Variants in RGS7BP observed in about 807,000 individuals in gnomAD.
The protein encoded by RGS7BP is regulator of G protein signaling 7 binding protein, also known as regulator of G protein signaling 7-binding protein.
In RGS7BP, 9 loss-of-function variants were observed where a neutral mutation model predicts 31.3. The observed-to-expected ratio is 0.29, with a 90% CI of 0.17 to 0.50. The LOEUF is 0.50. Among genes scored for constraint, RGS7BP ranks in the 20% least tolerant of loss-of-function variants. The probability of loss-of-function intolerance (pLI) is 0.98; values close to 1 mark genes in which losing one functional copy is unlikely to be tolerated. For missense variants in RGS7BP, 274 were observed against 322.0 expected (o/e 0.85, Z 1.14); for synonymous variants, 115 against 120.1 (o/e 0.96, Z 0.28).
chr5:64,598,289 C>T (rs1406234271), intron 4 of RGS7BP, 76 bp from the exon 5 acceptor site: 9 of 827,750 alleles, frequency 1.1e-5, no homozygotes, highest in African/African-American at 1.7e-5. Context: ...TTTCAGTTGT[C>T]TCATATAACA....
In RGS7BP at chr5:64,587,766, C is replaced by T. The variant is rs557323965; in HGVS notation, c.464-6944C>T. On this transcript the variant is annotated intron_variant, in intron 3 of 5. Transcript: ENST00000334025. ...TGGAATAGGGGTTGTAAACAGGAAACTTAGAGCAGGCACAGGGCCAAAAAC... is the reference window on the plus strand; with the variant it reads ...TGGAATAGGGGTTGTAAACAGGAAATTTAGAGCAGGCACAGGGCCAAAAAC... Among the ~76,000 whole-genome samples, 113 of 152,276 alleles carry T rather than the reference C, an allele frequency of 7.4e-4. 1 individual carries two copies. The highest frequency in any genetic ancestry group is 2.5e-3 in the African/African-American group (105 of 41,552).
chr5:64,543,101 T>C (rs1351598944), intron 2 of RGS7BP, among the ~76,000 whole-genome samples: 2 of 152,198 alleles, frequency 1.3e-5, no homozygotes. Context: ...CAGGAATCTA[T>C]CTACAAAAGA....
intron 2 of RGS7BP, among the ~76,000 whole-genome samples, chr5:64,527,198 G>C (rs1033460837): frequency 6.6e-6 from 1 of 152,192 alleles, no homozygotes; most frequent in Non-Finnish European, 1.5e-5. Context: ...TTCTAGGACA[G>C]CTCTCTGTGA....
At chr5:64,580,068 A>G (rs1429140725) in intron 3 of RGS7BP, among the ~76,000 whole-genome samples, 1 of 152,218 alleles carries the variant, frequency 6.6e-6, no homozygotes, top group Non-Finnish European at 1.5e-5. Flanking sequence ...CTGTGGTTAA[A>G]AGAATAAGAA....
rs535759572 is a variant in RGS7BP, at chr5:64,519,459, C to CA, written c.332+11583dup. On this transcript the variant is annotated intron_variant, in intron 2 of 5. Coordinates refer to ENST00000334025, the MANE Select transcript of RGS7BP (RefSeq NM_001029875.3). ...CTGCAATAGAAATAGGCAGAGGATA[C>CA]AGTAGAGGAAGAGTAATCAGCTCTG... Among the ~76,000 whole-genome samples the CA allele has an allele frequency of 3.7e-4, 56 of 152,274 alleles. 1 individual carries two copies. The East Asian group carries it at 6.6e-3, about 18-fold the overall frequency.
rs1404613131 is a variant in RGS7BP, at chr5:64,597,536, TC to T, written c.612-827del. On this transcript the variant is annotated intron_variant, in intron 4 of 5. Coordinates refer to ENST00000334025, the MANE Select transcript of RGS7BP (RefSeq NM_001029875.3). ...TCCAAGTCAATGTAATAAGTGTTGG[TC>T]CTGGTGAACGCTTAATACCTGAGTT... Among the ~76,000 whole-genome samples the T allele has an allele frequency of 9.2e-5, 14 of 151,836 alleles. No homozygotes were observed. In the East Asian group the frequency reaches 2.5e-3, roughly 28 times the overall value.
chr5:64,531,992 T>A (rs965561711), intron 2 of RGS7BP, among the ~76,000 whole-genome samples: 6 of 152,258 alleles, frequency 3.9e-5, no homozygotes, highest in African/African-American at 1.4e-4. Flanking sequence ...TCTTTTGCTA[T>A]GTGCATACAA....
At chr5:64,547,357 T>A (rs961084789) in intron 2 of RGS7BP, among the ~76,000 whole-genome samples, 7 of 152,218 alleles carry the variant, frequency 4.6e-5, no homozygotes, top group African/African-American at 1.7e-4. Flanking sequence ...TAAAGCAGTG[T>A]ATGGAAATTC....
intron 2 of RGS7BP, among the ~76,000 whole-genome samples, chr5:64,571,783 T>C (rs577288294): frequency 6.6e-5 from 10 of 152,268 alleles, no homozygotes; most frequent in African/African-American, 2.4e-4. Context: ...AATCCTGATC[T>C]GTAAGGAGTT....
At chr5:64,577,473 A>G (rs1742467288) in intron 3 of RGS7BP, among the ~76,000 whole-genome samples, 2 of 152,116 alleles carry the variant, frequency 1.3e-5, no homozygotes, top group African/African-American at 4.8e-5. Flanking sequence ...GTACACATAT[A>G]CATATGCACA....
intron 2 of RGS7BP, among the ~76,000 whole-genome samples, chr5:64,522,458 C>T (rs146744365): frequency 6.6e-6 from 1 of 152,312 alleles, no homozygotes; most frequent in Non-Finnish European, 1.5e-5. Flanking sequence ...AAGGAGATTG[C>T]TGTCTCCTCC....
chr5:64,555,929 C>A (rs1741912609), intron 2 of RGS7BP, among the ~76,000 whole-genome samples: 1 of 152,098 alleles, frequency 6.6e-6, no homozygotes, highest in Admixed American at 6.6e-5. Context: ...TCCTTAGCCA[C>A]ATGAAGCTAG....
intron 2 of RGS7BP, among the ~76,000 whole-genome samples, chr5:64,547,999 A>G (rs540910003): frequency 7.2e-5 from 11 of 152,224 alleles, no homozygotes; most frequent in Non-Finnish European, 1.5e-4. Context: ...TTCCTCTTTG[A>G]TGAAGTTTCT....
Position 64,560,141 on chromosome 5 carries a change from T to A in RGS7BP, c.333-15633T>A, listed in dbSNP as rs1341682548. ...CAAACCATGAAATGCCTACTTATAA[T>A]ATCAAACTTTAACCTTATGGTACTT... On this transcript the variant is annotated intron_variant, in intron 2 of 5. Transcript: ENST00000334025. Among the ~76,000 whole-genome samples, 4 of 152,194 alleles carry A rather than the reference T, an allele frequency of 2.6e-5. No homozygotes were observed. In the East Asian group the frequency reaches 7.7e-4, roughly 29 times the overall value.
intron 2 of RGS7BP, among the ~76,000 whole-genome samples, chr5:64,543,610 C>T (rs762069219): frequency 9.9e-5 from 15 of 152,184 alleles, no homozygotes; most frequent in Admixed American, 1.3e-4. Flanking sequence ...GGGCAGGGGA[C>T]AGATATTATG....
At chr5:64,598,308 G>C in intron 4 of RGS7BP, 57 bp from the exon 5 acceptor site, 1 of 990,554 alleles carries the variant, frequency 1.0e-6, no homozygotes, top group South Asian at 1.3e-5. Flanking sequence ...CAGATTGTTT[G>C]AGATTTCATT....
At chr5:64,536,085 A>C (rs1741344320) in intron 2 of RGS7BP, among the ~76,000 whole-genome samples, 1 of 152,232 alleles carries the variant, frequency 6.6e-6, no homozygotes, top group Admixed American at 6.5e-5. Flanking sequence ...TGCCCTGTGT[A>C]GCAGGACTTT....
Position 64,507,621 on chromosome 5 carries a change from C to G in RGS7BP, c.166-90C>G, listed in dbSNP as rs967938808. The G allele has an allele frequency of 2.0e-5, 24 of 1,190,524 alleles. No individual in the cohort carries two copies. In the South Asian group the frequency reaches 3.8e-4, roughly 19 times the overall value. 73.7% of individuals were successfully genotyped at this position (1,190,524 alleles called of 1,614,324 possible). ...AGATCTGGGGAGCTGACTCAGGGGT[C>G]AGTGAAAGCCCCTGTTTATGTACTC... On this transcript the variant is annotated intron_variant, in intron 1 of 5. Transcript: ENST00000334025.
chr5:64,598,099 C>T (rs756773261), intron 4 of RGS7BP, among the ~76,000 whole-genome samples: 5 of 152,090 alleles, frequency 3.3e-5, no homozygotes, highest in South Asian at 2.1e-4. Context: ...CAGCCAGGTT[C>T]GACTGGAGGC....
Sources: gnomAD v4.1 joint callset for allele counts (sites outside exome capture counted in the v4.1 genomes callset) on GRCh38, gnomAD v4.1.1 for gene constraint, MANE v1.5 for transcripts, NCBI Gene and HGNC (gene_info 2026-07-23, HGNC 2026-07-21) for gene names.